Variants in TBL1X observed in about 807,000 individuals in gnomAD.
TBL1X encodes the protein transducin beta like 1 X-linked.
A neutral mutation model predicts 50.7 loss-of-function variants in TBL1X; 10 were observed. The ratio of observed to expected loss-of-function variants is 0.20; its 90% confidence interval spans 0.12 to 0.33. The LOEUF (loss-of-function observed/expected upper bound fraction) is 0.33. Ranked by LOEUF, TBL1X falls within the 10% of genes least tolerant of loss-of-function variation. TBL1X has a pLI of 1.00. For synonymous variants in TBL1X, 190 were observed against 214.7 expected (o/e 0.88, Z 1.01); for missense variants, 340 against 504.4 (o/e 0.67, Z 3.12).
chrX:9,647,863 C>T (rs1601815014), intron 3 of TBL1X, among the ~76,000 whole-genome samples: 3 of 111,709 alleles, frequency 2.7e-5, no homozygotes, highest in African/African-American at 9.8e-5. Flanking sequence ...CCCTGATCCT[C>T]TCCTACTGAC....
intron 1 of TBL1X, among the ~76,000 whole-genome samples, chrX:9,488,659 C>G (rs962169459): frequency 1.8e-5 from 2 of 112,107 alleles, no homozygotes; most frequent in Non-Finnish European, 3.8e-5. Context: ...GGCCATTATT[C>G]TGCCTACTAC....
intron 5 of TBL1X, among the ~76,000 whole-genome samples, chrX:9,661,796 T>C (rs2082900429): frequency 9.0e-6 from 1 of 110,760 alleles, no homozygotes; most frequent in Non-Finnish European, 1.9e-5. Flanking sequence ...GGGTCTCGGT[T>C]AGAGTGAGGT....
intron 1 of TBL1X, among the ~76,000 whole-genome samples, chrX:9,497,576 G>A (rs917394586): frequency 2.1e-4 from 23 of 110,820 alleles, no homozygotes; most frequent in South Asian, 1.9e-3. Context: ...CATTGGCCAC[G>A]AGTAACACAA....
chrX:9,678,036 T>C (rs1288805371), intron 5 of TBL1X, among the ~76,000 whole-genome samples: 1 of 112,163 alleles, frequency 8.9e-6, no homozygotes, highest in Middle Eastern at 4.2e-3. Flanking sequence ...TTCTTTCTTC[T>C]CTTCTGTTTC....
chrX:9,552,574 C>A (rs2082276099), intron 2 of TBL1X, among the ~76,000 whole-genome samples: 1 of 111,319 alleles, frequency 9.0e-6, no homozygotes, highest in African/African-American at 3.3e-5. Flanking sequence ...TAAAAGAAGG[C>A]AGAAATGTGT....
intron 2 of TBL1X, among the ~76,000 whole-genome samples, chrX:9,581,409 A>G (rs933043280): frequency 5.4e-5 from 6 of 111,934 alleles, no homozygotes; most frequent in African/African-American, 2.0e-4. Flanking sequence ...AATAGCCCAC[A>G]GTTCAGGCAT....
chrX:9,634,786 A>G (rs2082737787), intron 2 of TBL1X, among the ~76,000 whole-genome samples: 1 of 111,758 alleles, frequency 8.9e-6, no homozygotes, highest in Non-Finnish European at 1.9e-5. Flanking sequence ...TGCCTTGGCA[A>G]ACACTCCCCT....
At chrX:9,599,246 AT>A (rs775230433) in intron 2 of TBL1X, among the ~76,000 whole-genome samples, 11 of 111,189 alleles carry the variant, frequency 9.9e-5, no homozygotes, top group Non-Finnish European at 1.5e-4. Flanking sequence ...AACTGGCCAA[AT>A]TTCCCCTTTT....
At chrX:9,706,032 G>A (rs1182095624) in intron 13 of TBL1X, among the ~76,000 whole-genome samples, 1 of 110,578 alleles carries the variant, frequency 9.0e-6, no homozygotes, top group African/African-American at 3.3e-5. Flanking sequence ...AGTGGGGGGG[G>A]TGTCACATAC....
intron 1 of TBL1X, among the ~76,000 whole-genome samples, chrX:9,467,243 C>T (rs1420366429): frequency 9.0e-6 from 1 of 111,332 alleles, no homozygotes; most frequent in East Asian, 2.8e-4. Flanking sequence ...CAGAGGGAGG[C>T]CATCTCCAGC....
At chrX:9,553,185 G>A (rs1282173704) in intron 2 of TBL1X, among the ~76,000 whole-genome samples, 2 of 111,079 alleles carry the variant, frequency 1.8e-5, no homozygotes, top group Non-Finnish European at 3.8e-5. Flanking sequence ...ATGAGGTTGG[G>A]GAGGTTGTCT....
intron 2 of TBL1X, among the ~76,000 whole-genome samples, chrX:9,599,499 G>A (rs2082543615): frequency 8.9e-6 from 1 of 112,100 alleles, no homozygotes; most frequent in Non-Finnish European, 1.9e-5. Context: ...AGCAGGGCAG[G>A]GTCATTGCAG....
Position 9,518,293 on chromosome X carries a change from T to A in TBL1X, c.-131+16444T>A, listed in dbSNP as rs141899996. On this transcript the variant is annotated intron_variant, in intron 2 of 17. Coordinates refer to ENST00000645353, the MANE Select transcript of TBL1X (RefSeq NM_005647.4). ...GTCTGTCTTGCGAAGCCTAAGATAT[T>A]TGCTCTCTGGTCCTCTGCAGAACTA... Among the ~76,000 whole-genome samples the A allele has an allele frequency of 5.4e-3, 600 of 111,339 alleles. 2 individuals are homozygous for A. The highest frequency in any genetic ancestry group is 0.019 in the African/African-American group (575 of 30,634).
chrX:9,579,964 A>G (rs778542136), intron 2 of TBL1X, among the ~76,000 whole-genome samples: 2 of 111,595 alleles, frequency 1.8e-5, no homozygotes, highest in Non-Finnish European at 3.8e-5. Flanking sequence ...TCCCTAAACC[A>G]CTATCATTAT....
At chrX:9,463,488 T>C (rs767892621), upstream of TBL1X, 1 of 112,421 alleles carries the variant, frequency 8.9e-6, no homozygotes, top group East Asian at 2.8e-4. Context: ...TTTATTGATG[T>C]CCTCTAATGA....
intron 2 of TBL1X, among the ~76,000 whole-genome samples, chrX:9,620,321 A>G (rs1239660314): frequency 8.9e-6 from 1 of 112,546 alleles, no homozygotes; most frequent in Non-Finnish European, 1.9e-5. Context: ...CCGGGAACTC[A>G]TACTTACCAA....
In TBL1X at chrX:9,547,590, G is replaced by A. The variant is rs547032186; in HGVS notation, c.-131+45741G>A. Among the ~76,000 whole-genome samples, 5 of 111,273 alleles carry A rather than the reference G, an allele frequency of 4.5e-5. No individual in the cohort carries two copies. The South Asian group carries it at 1.9e-3, about 42-fold the overall frequency. On this transcript the variant is annotated intron_variant, in intron 2 of 17. Coordinates refer to ENST00000645353, the MANE Select transcript of TBL1X (RefSeq NM_005647.4). Reference sequence around the variant, plus strand: ...CCGCCTTGGCCTCCCAAAGTGCTGGGATTACTAGCATGAACCACTGCGCCT... The same window carrying A: ...CCGCCTTGGCCTCCCAAAGTGCTGGAATTACTAGCATGAACCACTGCGCCT...
In TBL1X at chrX:9,503,197, G is replaced by A. The variant is rs765742321; in HGVS notation, c.-131+1348G>A. On this transcript the variant is annotated intron_variant, in intron 2 of 17. Transcript: ENST00000645353. Reference sequence around the variant, plus strand: ...AACAGTGTGGTGTGGCGGCCCACCTGAGAGTCACATGGGAAAGGGAACCCC... The same window carrying A: ...AACAGTGTGGTGTGGCGGCCCACCTAAGAGTCACATGGGAAAGGGAACCCC... Among the ~76,000 whole-genome samples, 84 of 111,540 alleles carry A rather than the reference G, an allele frequency of 7.5e-4. 1 individual carries two copies. Among genetic ancestry groups the A allele is most frequent in the Non-Finnish European group, 1.3e-3 (71 of 52,971 alleles).
chrX:9,463,882 A>G (rs1454080179), upstream of TBL1X, among the ~76,000 whole-genome samples: 1 of 100,765 alleles, frequency 9.9e-6, no homozygotes, highest in Admixed American at 1.1e-4. Flanking sequence ...CGACAGAGCG[A>G]GACTCCTCAG....
Sources: gnomAD v4.1 joint callset for allele counts (sites outside exome capture counted in the v4.1 genomes callset) on GRCh38, gnomAD v4.1.1 for gene constraint, MANE v1.5 for transcripts, NCBI Gene and HGNC (gene_info 2026-07-23, HGNC 2026-07-21) for gene names.